MS4A7: variants seen among roughly 807,000 people sequenced by gnomAD.
The protein encoded by MS4A7 is membrane-spanning 4-domains subfamily A member 7.
A neutral mutation model predicts 23.5 loss-of-function variants in MS4A7; 21 were observed. That is an observed-to-expected ratio of 0.89 (90% CI 0.63 to 1.29). MS4A7 has a LOEUF of 1.29. MS4A7 is among the 50% of genes most tolerant of loss of function. The probability of loss-of-function intolerance (pLI) is 0.00; values close to 1 mark genes in which losing one functional copy is unlikely to be tolerated. For missense variants in MS4A7, 263 were observed against 274.2 expected (o/e 0.96, Z 0.29); for synonymous variants, 111 against 107.4 (o/e 1.03, Z -0.21).
At chr11:60,381,182 A>G (rs1019958768) in intron 1 of MS4A7, among the ~76,000 whole-genome samples, 1 of 152,184 alleles carries the variant, frequency 6.6e-6, no homozygotes, top group African/African-American at 2.4e-5. Context: ...TAAGCCTGAC[A>G]CTTTTTCTCC....
chr11:60,390,993 GC>G (rs2085544309), intron 5 of MS4A7, among the ~76,000 whole-genome samples: 1 of 152,122 alleles, frequency 6.6e-6, no homozygotes, highest in Non-Finnish European at 1.5e-5. Flanking sequence ...TCAAACAAGA[GC>G]TGAGGCCAAA....
chr11:60,385,672 T>C (rs1261748685), intron 3 of MS4A7, among the ~76,000 whole-genome samples: 1 of 152,010 alleles, frequency 6.6e-6, no homozygotes, highest in Non-Finnish European at 1.5e-5. Flanking sequence ...TTAACAAGGG[T>C]AAGATTCATG....
Position 60,392,677 on chromosome 11 carries a change from A to AT in MS4A7, c.547-5dup. On this transcript the variant is annotated splice_region_variant and splice_polypyrimidine_tract_variant and intron_variant, in intron 5 of 6. Transcript: ENST00000300184. ...TTGGGTACCAGCCATTCATGTCCTG[A>AT]TTTGCAGGGTGTCCTAGTGGTGATG... 3 of 1,611,200 alleles carry AT rather than the reference A, an allele frequency of 1.9e-6. No individual in the cohort carries two copies. Among genetic ancestry groups the AT allele is most frequent in the Non-Finnish European group, 2.5e-6 (3 of 1,178,142 alleles).
At chr11:60,382,852 C>T (rs928964606) in intron 1 of MS4A7, among the ~76,000 whole-genome samples, 1 of 152,180 alleles carries the variant, frequency 6.6e-6, no homozygotes, top group African/African-American at 2.4e-5. Context: ...GGCTACAAAG[C>T]AAGTTCTATG....
At position 60,393,965 on chromosome 11, in the gene MS4A7, TAAAA is replaced by T; in HGVS notation, c.*113_*116del. Reference sequence around the variant, plus strand: ...CCATTTTAGATACTGTGAAACAAACTAAAAAAAAAAAAGCTTTTGTTTTGTATTT... The same window carrying T: ...CCATTTTAGATACTGTGAAACAAACTAAAAAAAAGCTTTTGTTTTGTATTT... On this transcript the variant is annotated 3_prime_UTR_variant, in exon 7 of 7. Coordinates refer to ENST00000300184, the MANE Select transcript of MS4A7 (RefSeq NM_021201.5). 1 of 471,362 alleles carries T rather than the reference TAAAA, an allele frequency of 2.1e-6. No homozygotes were observed. Among genetic ancestry groups the T allele is most frequent in the Non-Finnish European group, 3.6e-6 (1 of 279,842 alleles). 29.2% of individuals were successfully genotyped at this position (471,362 alleles called of 1,614,324 possible).
Position 60,395,807 on chromosome 11 carries a change from G to A in MS4A7, c.*1946G>A, listed in dbSNP as rs554129652. The A allele has an allele frequency of 2.0e-5, 3 of 152,134 alleles. No homozygotes were observed. Among genetic ancestry groups the A allele is most frequent in the Non-Finnish European group, 4.4e-5 (3 of 68,010 alleles). The allele number at this position is 152,134 out of a possible 1,614,324, so 9.4% of individuals were successfully genotyped here. On this transcript the variant is annotated 3_prime_UTR_variant, in exon 7 of 7. Transcript: ENST00000300184. ...ACAAAAAAAGAAAAAAGATAACTAC[G>A]TGAGGTGATGGATATGTTAATTAGC...
intron 5 of MS4A7, among the ~76,000 whole-genome samples, chr11:60,390,301 C>T (rs1400773359): frequency 6.6e-6 from 1 of 152,154 alleles, no homozygotes; most frequent in Admixed American, 6.5e-5. Flanking sequence ...ACTACCTGTT[C>T]GTGGTGACAA....
chr11:60,389,299 A>T, intron 4 of MS4A7, 91 bp from the exon 5 acceptor site: 1 of 1,040,056 alleles, frequency 9.6e-7, no homozygotes, highest in Non-Finnish European at 1.4e-6. Context: ...AACAGACCCA[A>T]GGAAGCACCA....
intron 2 of MS4A7, among the ~76,000 whole-genome samples, chr11:60,384,709 T>C (rs747813880): frequency 6.6e-6 from 1 of 152,218 alleles, no homozygotes; most frequent in Non-Finnish European, 1.5e-5. Flanking sequence ...ACCTGCTCTA[T>C]CTAATTTCAA....
chr11:60,395,944 C>T lies in MS4A7; in HGVS notation c.*2083C>T, dbSNP rs1252863456. 2.0e-5 allele frequency: 3 copies of T among 151,922 alleles called. No individual in the cohort carries two copies. Among genetic ancestry groups the T allele is most frequent in the African/African-American group, 7.3e-5 (3 of 41,336 alleles). 9.4% of individuals were successfully genotyped at this position (151,922 alleles called of 1,614,324 possible). On this transcript the variant is annotated 3_prime_UTR_variant, in exon 7 of 7. Coordinates refer to ENST00000300184, the MANE Select transcript of MS4A7 (RefSeq NM_021201.5). ...TACCTCAATAAAGATGGAAAAAAAT[C>T]GAAATTCAAAGTTATCTACTGATTT...
Position 60,389,672 on chromosome 11 carries a change from G to C in MS4A7, c.546+76G>C, listed in dbSNP as rs1450793431. 7.8e-6 allele frequency: 11 copies of C among 1,412,646 alleles called. No homozygotes were observed. In the African/African-American group the frequency reaches 1.6e-4, roughly 20 times the overall value. 87.5% of individuals were successfully genotyped at this position (1,412,646 alleles called of 1,614,324 possible). On this transcript the variant is annotated intron_variant, in intron 5 of 6. Coordinates refer to ENST00000300184, the MANE Select transcript of MS4A7 (RefSeq NM_021201.5). ...CCTTTGCATACTCTCTGCTTTTCTG[G>C]CAGTCTCTGGTTGGTCGGTCCGAAT...
At chr11:60,379,625 C>T (rs531212284) in intron 1 of MS4A7, among the ~76,000 whole-genome samples, 1 of 152,112 alleles carries the variant, frequency 6.6e-6, no homozygotes, top group East Asian at 1.9e-4. Flanking sequence ...CACTGTCTTC[C>T]AGGTTCAAGC....
At position 60,394,345 on chromosome 11, in the gene MS4A7, T is replaced by C. The variant is rs1041940906; in HGVS notation, c.*484T>C. ...AACAGATCTACTGGGCCCTTTTTCATGAGCCATTAGGTGGAAGACAGCAAA... is the reference window on the plus strand; with the variant it reads ...AACAGATCTACTGGGCCCTTTTTCACGAGCCATTAGGTGGAAGACAGCAAA... On this transcript the variant is annotated 3_prime_UTR_variant, in exon 7 of 7. Coordinates refer to ENST00000300184, the MANE Select transcript of MS4A7 (RefSeq NM_021201.5). The C allele has an allele frequency of 6.5e-6, 1 of 152,680 alleles. No individual in the cohort carries two copies. Among genetic ancestry groups the C allele is most frequent in the African/African-American group, 2.4e-5 (1 of 41,450 alleles). 9.5% of individuals were successfully genotyped at this position (152,680 alleles called of 1,614,324 possible).
chr11:60,387,856 A>T lies in MS4A7; in HGVS notation c.339+1083A>T, dbSNP rs75759469. Among the ~76,000 whole-genome samples the T allele has an allele frequency of 1.0e-2, 1,522 of 152,326 alleles. 31 individuals are homozygous for T. Among genetic ancestry groups the T allele is most frequent in the African/African-American group, 0.034 (1,412 of 41,574 alleles). ...AGTTGGAATACCTACCTACAGGTGG[A>T]TCAGGCCTATGAGAACCACATTCAC... On this transcript the variant is annotated intron_variant, in intron 4 of 6. Transcript: ENST00000300184.
Position 60,393,872 on chromosome 11 carries a change from G to A in MS4A7, c.*11G>A. The A allele has an allele frequency of 6.3e-7, 1 of 1,587,656 alleles. No individual in the cohort carries two copies. The highest frequency in any genetic ancestry group is 8.6e-7 in the Non-Finnish European group (1 of 1,166,892). ...CGGTCTTGGATATAAGTAACTCTTG[G>A]CCTCAGAGGAAGGAAAAGCAACTCA... is the stretch of plus-strand genomic sequence containing the variant. On this transcript the variant is annotated 3_prime_UTR_variant, in exon 7 of 7. Transcript: ENST00000300184.
chr11:60,379,652 C>T (rs1179861772), intron 1 of MS4A7, among the ~76,000 whole-genome samples: 2 of 152,244 alleles, frequency 1.3e-5, no homozygotes, highest in Middle Eastern at 3.4e-3. Flanking sequence ...CCCATCTCAG[C>T]CTCCTGAGTA....
In MS4A7 at chr11:60,393,830, T is replaced by A; in HGVS notation, c.692T>A (p.Val231Asp). The stretch of plus-strand genomic sequence containing the variant: ...CAGTCACAAGATCATATCCAACAGG[T>A]CAAAAAGAGTTCTTCACGGTCTTGG... Reference protein sequence around the residue: ...STQSQDHIQQVKKSSSRSWI With the variant: ...STQSQDHIQQDKKSSSRSWI The change falls in exon 7 of 7, where the codon GTC (valine) becomes GAC (aspartate). Residue 231 changes from valine (V) to aspartate (D), a missense_variant. Physicochemically the swap from Val to Asp is radical, Grantham distance 152. Coordinates refer to ENST00000300184, the MANE Select transcript of MS4A7 (RefSeq NM_021201.5). 6.2e-7 allele frequency: 1 copy of A among 1,611,768 alleles called. No individual in the cohort carries two copies. Among genetic ancestry groups the A allele is most frequent in the African/African-American group, 1.3e-5 (1 of 74,820 alleles).
At chr11:60,380,309 A>T (rs1027554566) in intron 1 of MS4A7, among the ~76,000 whole-genome samples, 2 of 152,270 alleles carry the variant, frequency 1.3e-5, no homozygotes, top group Non-Finnish European at 2.9e-5. Context: ...GGAGAGAGAT[A>T]AAGTGACAGA....
chr11:60,383,401 A>C (rs2085450987), intron 2 of MS4A7, 113 bp downstream of exon 2: 1 of 1,219,516 alleles, frequency 8.2e-7, no homozygotes, highest in Non-Finnish European at 1.1e-6. Flanking sequence ...GGCTGACTCC[A>C]GGCTAATGAG....
Sources: allele counts gnomAD v4.1 joint callset (sites outside exome capture counted in the v4.1 genomes callset), GRCh38; gene constraint gnomAD v4.1.1; transcripts MANE v1.5; gene names NCBI Gene and HGNC (gene_info 2026-07-23, HGNC 2026-07-21).